The following UBTD1 variants were observed in gnomAD, a reference collection of about 807,000 sequenced individuals.
UBTD1 encodes ubiquitin domain-containing protein 1.
Under a neutral mutation model 21.7 loss-of-function variants are expected in UBTD1, and 19 were observed. That is an observed-to-expected ratio of 0.87 (90% CI 0.61 to 1.28). The LOEUF (loss-of-function observed/expected upper bound fraction) is 1.28, where lower values mean the gene tolerates loss of function less well. UBTD1 is among the 50% of genes most tolerant of loss of function. The pLI is 0.00. For synonymous variants in UBTD1, 116 were observed against 135.1 expected, an observed-to-expected ratio of 0.86 and a Z score of 0.98; for missense variants, 282 against 315.1, an observed-to-expected ratio of 0.89 and a Z score of 0.80.
intron 1 of UBTD1, among the ~76,000 whole-genome samples, chr10:97,539,194 T>G (rs1007759006): frequency 6.6e-6 from 1 of 151,394 alleles, no homozygotes; most frequent in Admixed American, 6.5e-5. Context: ...CTGGGGTTTC[T>G]GGAGGTGTCA....
intron 1 of UBTD1, among the ~76,000 whole-genome samples, chr10:97,565,683 T>C (rs1227841762): frequency 1.3e-5 from 2 of 152,052 alleles, no homozygotes; most frequent in Non-Finnish European, 2.9e-5. Context: ...ATCTCAATTA[T>C]ATTGTATTTT....
chr10:97,516,429 C>G (rs371266049), intron 1 of UBTD1, among the ~76,000 whole-genome samples: 1 of 152,192 alleles, frequency 6.6e-6, no homozygotes, highest in East Asian at 1.9e-4. Context: ...GGCTGGACCT[C>G]GTTGACTGGG....
chr10:97,561,666 A>T (rs896064365), intron 1 of UBTD1, among the ~76,000 whole-genome samples: 2 of 152,148 alleles, frequency 1.3e-5, no homozygotes, highest in Non-Finnish European at 2.9e-5. Context: ...TACTGGTTTT[A>T]GGCCAGGCAG....
chr10:97,548,963 C>T (rs923196072), intron 1 of UBTD1, among the ~76,000 whole-genome samples: 22 of 152,308 alleles, frequency 1.4e-4, no homozygotes, highest in African/African-American at 5.3e-4. Flanking sequence ...AGGCTGGACT[C>T]ACGGACCAGA....
chr10:97,501,336 C>T (rs758748452), intron 1 of UBTD1, among the ~76,000 whole-genome samples: 94 of 152,172 alleles, frequency 6.2e-4, no homozygotes, highest in Admixed American at 1.0e-3. Flanking sequence ...CCTGTAATCC[C>T]AGCACTTTGG....
chr10:97,568,823 T>TTG (rs1240625934), intron 2 of UBTD1, among the ~76,000 whole-genome samples: 1 of 152,152 alleles, frequency 6.6e-6, no homozygotes, highest in African/African-American at 2.4e-5. Flanking sequence ...AATCACAGAC[T>TTG]TGAGTTTCTT....
chr10:97,565,001 G>C (rs192574359), intron 1 of UBTD1, among the ~76,000 whole-genome samples: 1 of 152,028 alleles, frequency 6.6e-6, no homozygotes, highest in Non-Finnish European at 1.5e-5. Flanking sequence ...TCAAGTTGTC[G>C]CTCCTTTCCA....
At chr10:97,499,816 C>T (rs1354530702) in intron 1 of UBTD1, among the ~76,000 whole-genome samples, 1 of 152,202 alleles carries the variant, frequency 6.6e-6, no homozygotes, top group East Asian at 1.9e-4. Flanking sequence ...TTTAGAGCCT[C>T]TCGGCCGTCT....
chr10:97,514,601 G>C (rs1422188030), intron 1 of UBTD1, among the ~76,000 whole-genome samples: 1 of 152,162 alleles, frequency 6.6e-6, no homozygotes, highest in African/African-American at 2.4e-5. Flanking sequence ...GGTCACCTCG[G>C]ATTCAGCACT....
chr10:97,561,976 G>A (rs1391912658), intron 1 of UBTD1, among the ~76,000 whole-genome samples: 2 of 152,102 alleles, frequency 1.3e-5, no homozygotes, highest in South Asian at 2.1e-4. Flanking sequence ...CCAGTTGAAC[G>A]GACCCCTCTT....
Position 97,570,347 on chromosome 10 carries a change from A to G in UBTD1, c.508A>G (p.Thr170Ala). The G allele has an allele frequency of 6.2e-7, 1 of 1,613,256 alleles. No homozygotes were observed. Among genetic ancestry groups the G allele is most frequent in the South Asian group, 1.1e-5 (1 of 91,080 alleles). Reference protein sequence around the residue: ...DVRLSASLPDTVGQLKRQLHA... With the variant: ...DVRLSASLPDAVGQLKRQLHA... ...GAGGCTCAGCGCCAGCCTGCCCGACACAGTGGGGCAGCTCAAGAGGCAGCT... is the reference window on the plus strand; with the variant it reads ...GAGGCTCAGCGCCAGCCTGCCCGACGCAGTGGGGCAGCTCAAGAGGCAGCT... The change falls in exon 3 of 3, where the codon ACA (threonine) becomes GCA (alanine). Residue 170 changes from threonine to alanine, a missense_variant. Coordinates refer to ENST00000370664, the MANE Select transcript of UBTD1 (RefSeq NM_024954.5). This position sits in a 1 kb window ranked among gnomAD's most constrained non-coding sequence, Gnocchi z 6.6.
chr10:97,568,150 G>T lies in UBTD1; in HGVS notation c.298+9G>T, dbSNP rs746581804. ...CATCACCCTGCCTCATGGTAAGTGGGCAGGGCCAGGGCTTTATCCCCGCTG... is the reference window on the plus strand; with the variant it reads ...CATCACCCTGCCTCATGGTAAGTGGTCAGGGCCAGGGCTTTATCCCCGCTG... On this transcript the variant is annotated intron_variant, in intron 2 of 2. Transcript: ENST00000370664. 1.5e-5 allele frequency: 24 copies of T among 1,613,350 alleles called. No individual in the cohort carries two copies. The highest frequency in any genetic ancestry group is 8.8e-5 in the South Asian group (8 of 91,030).
intron 1 of UBTD1, among the ~76,000 whole-genome samples, chr10:97,515,322 G>A (rs112330105): frequency 6.6e-6 from 1 of 152,286 alleles, no homozygotes; most frequent in Non-Finnish European, 1.5e-5. Flanking sequence ...AGTATTTGTC[G>A]AGCACAGTGG....
intron 1 of UBTD1, among the ~76,000 whole-genome samples, chr10:97,502,432 A>G (rs1358544895): frequency 5.3e-5 from 8 of 152,166 alleles, no homozygotes; most frequent in African/African-American, 1.9e-4. Flanking sequence ...GCGCCACTGT[A>G]ACTCTTACCT....
At chr10:97,554,214 A>C (rs1468364167) in intron 1 of UBTD1, among the ~76,000 whole-genome samples, 1 of 151,938 alleles carries the variant, frequency 6.6e-6, no homozygotes, top group Non-Finnish European at 1.5e-5. Flanking sequence ...CATAGAGCCC[A>C]AAAGTGAACA....
chr10:97,543,667 G>A (rs1023012662), intron 1 of UBTD1, among the ~76,000 whole-genome samples: 1 of 152,188 alleles, frequency 6.6e-6, no homozygotes, highest in African/African-American at 2.4e-5. Context: ...CTGACCCCAA[G>A]TTCACCCCAC....
At chr10:97,535,821 G>T (rs1032216070) in intron 1 of UBTD1, among the ~76,000 whole-genome samples, 17 of 151,746 alleles carry the variant, frequency 1.1e-4, no homozygotes, top group Non-Finnish European at 2.4e-4. Flanking sequence ...AGGAGGCTGA[G>T]GTAGAAGGAT....
chr10:97,542,936 C>T (rs994311970), intron 1 of UBTD1, among the ~76,000 whole-genome samples: 1 of 152,256 alleles, frequency 6.6e-6, no homozygotes, highest in East Asian at 1.9e-4. Context: ...CAGCACTTCT[C>T]GGCCTTGGCC....
chr10:97,499,403 A>G, intron 1 of UBTD1, 130 bp downstream of exon 1: 2 of 1,191,912 alleles, frequency 1.7e-6, no homozygotes, highest in Admixed American at 6.6e-5. Context: ...GCTGCTCCGC[A>G]GCCAGAGGGG....
Sources: allele counts gnomAD v4.1 joint callset (sites outside exome capture counted in the v4.1 genomes callset), GRCh38; gene constraint gnomAD v4.1.1; non-coding constraint Gnocchi (gnomAD v3.1); transcripts MANE v1.5; gene names NCBI Gene and HGNC (gene_info 2026-07-23, HGNC 2026-07-21).